The following ERAL1 variants were observed in gnomAD, a reference collection of about 807,000 sequenced individuals.
ERAL1 encodes the protein Era like 12S mitochondrial rRNA chaperone 1.
ERAL1 carries 36 observed loss-of-function variants against 53.6 expected under a neutral mutation model. The ratio of observed to expected loss-of-function variants is 0.67; its 90% CI spans 0.51 to 0.89. The LOEUF (loss-of-function observed/expected upper bound fraction) is 0.89, where lower values mean the gene tolerates loss of function less well. Ranked by LOEUF, ERAL1 falls within the 40% of genes least tolerant of loss-of-function variation. The probability of loss-of-function intolerance (pLI) is 0.00; values close to 1 mark genes in which losing one functional copy is unlikely to be tolerated. For synonymous variants in ERAL1, 215 were observed against 211.8 expected, an observed-to-expected ratio of 1.02 and a Z score of -0.13; for missense variants, 512 against 537.5, an observed-to-expected ratio of 0.95 and a Z score of 0.47.
At position 28,856,673 on chromosome 17, in the gene ERAL1, C is replaced by G. The variant is rs759491303; in HGVS notation, c.489+91C>G. On this transcript the variant is annotated intron_variant, in intron 3 of 9. Transcript: ENST00000254928. ...CATCAGCCTTGAAGAAAATGATGGT[C>G]ACATTCATTTATGTGAGGAAAGGGG... 16 of 1,117,656 alleles carry G rather than the reference C, an allele frequency of 1.4e-5. No homozygotes were observed. The African/African-American group carries it at 1.8e-4, about 13-fold the overall frequency. 69.2% of individuals were successfully genotyped at this position (1,117,656 alleles called of 1,614,324 possible).
rs768738574 is a variant in ERAL1, at chr17:28,858,716, G to C, written c.852G>C (p.Lys284Asn). The C allele has an allele frequency of 6.2e-7, 1 of 1,614,184 alleles. No individual in the cohort carries two copies. Among genetic ancestry groups the C allele is most frequent in the South Asian group, 1.1e-5 (1 of 91,084 alleles). The change falls in exon 7 of 10, where the codon AAG (lysine) becomes AAC (asparagine). Residue 284 changes from lysine (K) to asparagine (N), a missense_variant. By Grantham distance (94) the Lys-to-Asn change is moderately conservative. Coordinates refer to ENST00000254928, the MANE Select transcript of ERAL1 (RefSeq NM_005702.4). The part of the protein sequence containing the change: ...PGTHCPSPAV[K>N]DPNTQSVGNP... The stretch of plus-strand genomic sequence containing the variant: ...CCCATTGCCCCAGCCCAGCAGTTAA[G>C]GACCCAAACACACAATCTGTGGGAA...
At position 28,858,575 on chromosome 17, in the gene ERAL1, G is replaced by C. The variant is rs1475147886; in HGVS notation, c.712-1G>C. On this transcript the variant is annotated splice_acceptor_variant, in intron 6 of 9. Transcript: ENST00000254928. LOFTEE classifies it high-confidence loss of function. ...ACCCTTTGCCCATCCCCCATGTCCA[G>C]GTAGATTGTTTGAAGCAGAAGTCAG... 6.2e-7 allele frequency: 1 copy of C among 1,614,038 alleles called. No individual in the cohort carries two copies. Among genetic ancestry groups the C allele is most frequent in the Non-Finnish European group, 8.5e-7 (1 of 1,180,048 alleles).
At chr17:28,859,157 C>T (rs1182820481) in intron 8 of ERAL1, 44 bp downstream of exon 8, 2 of 1,614,162 alleles carry the variant, frequency 1.2e-6, no homozygotes, top group Non-Finnish European at 8.5e-7. Context: ...AGACACACAC[C>T]TCTACCCAGG....
chr17:28,855,046 C>T lies in ERAL1; in HGVS notation c.12C>T (p.Pro4=). 1.3e-6 allele frequency: 2 copies of T among 1,592,978 alleles called. No homozygotes were observed. The highest frequency in any genetic ancestry group is 1.1e-5 in the South Asian group (1 of 89,544). The change falls in exon 1 of 10, where the codon CCC becomes CCT. Residue 4 remains proline, a synonymous_variant. Coordinates refer to ENST00000254928, the MANE Select transcript of ERAL1 (RefSeq NM_005702.4). The part of the protein sequence containing the change: MAA[P]SWRGARLVQS... ...GCCTTGCGGCTGTAATGGCTGCCCCCAGCTGGCGCGGGGCTAGGCTTGTTC... is the reference window on the plus strand; with the variant it reads ...GCCTTGCGGCTGTAATGGCTGCCCCTAGCTGGCGCGGGGCTAGGCTTGTTC...
chr17:28,857,915 G>A (rs1299292981), intron 3 of ERAL1, 24 bp from the exon 4 acceptor site: 13 of 1,613,950 alleles, frequency 8.1e-6, no homozygotes, highest in African/African-American at 1.3e-5. Flanking sequence ...CTGGGGTCTG[G>A]GTATCTCACT....
rs201364901 is a variant in ERAL1 at position 28,856,426 on chromosome 17, T to C, written c.411+35T>C. The C allele has an allele frequency of 2.7e-5, 44 of 1,613,676 alleles. No homozygotes were observed. The Admixed American group carries it at 5.5e-4, about 20-fold the overall frequency. ...ACCCTTGACCATCCTACCCTTTACA[T>C]CTTTTACTTCTTGCCATGCCTTCAA... is the stretch of plus-strand genomic sequence containing the variant. On this transcript the variant is annotated intron_variant, in intron 2 of 9. Transcript: ENST00000254928.
intron 4 of ERAL1, 69 bp downstream of exon 4, chr17:28,858,054 G>C: frequency 6.2e-7 from 1 of 1,613,070 alleles, no homozygotes; most frequent in Non-Finnish European, 8.5e-7. Context: ...TTCCATTATA[G>C]GGGCTGGAAA....
rs1297680277 is a variant in ERAL1 at position 28,859,015 on chromosome 17, G to C, written c.1012G>C (p.Val338Leu). 1 of 1,614,204 alleles carries C rather than the reference G, an allele frequency of 6.2e-7. No homozygotes were observed. Among genetic ancestry groups the C allele is most frequent in the East Asian group, 2.2e-5 (1 of 44,884 alleles). The change falls in exon 8 of 10, where the codon GTC becomes CTC. Residue 338 changes from valine to leucine, a missense_variant. Physicochemically the swap from Val to Leu is conservative, Grantham distance 32. Coordinates refer to ENST00000254928, the MANE Select transcript of ERAL1 (RefSeq NM_005702.4). ...AGGGCCCTGGGAGTACCACAGTGCA[G>C]TCCTCACTAGCCAGACACCAGAAGA... ...QPGPWEYHSA[V>L]LTSQTPEEIC... is the part of the protein sequence containing the mutation.
chr17:28,859,782 C>T (rs960649687), intron 9 of ERAL1, among the ~76,000 whole-genome samples: 3 of 151,730 alleles, frequency 2.0e-5, no homozygotes, highest in Admixed American at 1.3e-4. Flanking sequence ...TCAAATTGTC[C>T]GCCCACCTCA....
chr17:28,860,362 C>T, intron 9 of ERAL1, 69 bp from the exon 10 acceptor site: 2 of 1,578,174 alleles, frequency 1.3e-6, no homozygotes, highest in Non-Finnish European at 1.7e-6. Flanking sequence ...TCACCTTAGC[C>T]CCCCAAGTAG....
Position 28,856,485 on chromosome 17 carries a change from GA to G in ERAL1, c.412-19del. Reference sequence around the variant, plus strand: ...TTGGAGGGATCTGGGACCTCACTGAGACTCCTTTGTTCCTGGCAGGTGTTCC... The same window carrying G: ...TTGGAGGGATCTGGGACCTCACTGAGCTCCTTTGTTCCTGGCAGGTGTTCC... On this transcript the variant is annotated intron_variant, in intron 2 of 9. Coordinates refer to ENST00000254928, the MANE Select transcript of ERAL1 (RefSeq NM_005702.4). 1 of 1,613,666 alleles carries G rather than the reference GA, an allele frequency of 6.2e-7. No homozygotes were observed. Among genetic ancestry groups the G allele is most frequent in the South Asian group, 1.1e-5 (1 of 91,068 alleles).
At position 28,860,609 on chromosome 17, in the gene ERAL1, A is replaced by G; in HGVS notation, c.*56A>G. The G allele has an allele frequency of 6.5e-7, 1 of 1,535,564 alleles. No individual in the cohort carries two copies. ...CAGCTCAAGCTGCTGGCAGGAACTG[A>G]CCAGTTCTGTCCTTGGCTGGGGACC... On this transcript the variant is annotated 3_prime_UTR_variant, in exon 10 of 10. Coordinates refer to ENST00000254928, the MANE Select transcript of ERAL1 (RefSeq NM_005702.4).
At chr17:28,857,085 A>G (rs2039254540) in intron 3 of ERAL1, among the ~76,000 whole-genome samples, 1 of 150,180 alleles carries the variant, frequency 6.7e-6, no homozygotes, top group Admixed American at 6.6e-5. Flanking sequence ...ACATCTAGTC[A>G]GAAAGATTTC....
chr17:28,856,238 T>C (rs1275981863), intron 1 of ERAL1, 26 bp from the exon 2 acceptor site: 1 of 1,613,394 alleles, frequency 6.2e-7, no homozygotes, highest in Non-Finnish European at 8.5e-7. Context: ...CCACTGTGTC[T>C]CATGCTTCTT....
At position 28,855,243 on chromosome 17, in the gene ERAL1, T is replaced by G; in HGVS notation, c.209T>G (p.Leu70Arg). 6.2e-7 allele frequency: 1 copy of G among 1,613,518 alleles called. No individual in the cohort carries two copies. Among genetic ancestry groups the G allele is most frequent in the Non-Finnish European group, 8.5e-7 (1 of 1,179,582 alleles). Residue 70 changes from leucine (L) to arginine (R), a missense_variant, in exon 1 of 10, where the codon CTG (leucine) becomes CGG (arginine). Transcript: ENST00000254928. The part of the protein sequence containing the change: ...ASRSNGQGSA[L>R]DHFLGFSQPD... ...CGCAGTAATGGCCAGGGCTCTGCCC[T>G]GGACCACTTCCTCGGATTCTCTCAG... is the stretch of plus-strand genomic sequence containing the variant.
Position 28,858,399 on chromosome 17 carries a change from C to T in ERAL1, c.624C>T (p.Asp208=). 1 of 1,614,130 alleles carries T rather than the reference C, an allele frequency of 6.2e-7. No homozygotes were observed. The highest frequency in any genetic ancestry group is 8.5e-7 in the Non-Finnish European group (1 of 1,180,032). ...TTGTGGTTCTTGTGGATGTCTCAGA[C>T]AAGTGGACACGGAACCAGCTCAGCC... is the stretch of plus-strand genomic sequence containing the variant. ...DLVVVLVDVS[D]KWTRNQLSPQ... is the part of the protein sequence containing the mutation. Residue 208 remains aspartate, a synonymous_variant, in exon 6 of 10, where the codon GAC becomes GAT. Transcript: ENST00000254928.
At chr17:28,858,532 C>A in intron 6 of ERAL1, 44 bp from the exon 7 acceptor site, 3 of 1,614,044 alleles carry the variant, frequency 1.9e-6, no homozygotes, top group Non-Finnish European at 2.5e-6. Flanking sequence ...CCTCCAAGTC[C>A]CCTATCTCTG....
chr17:28,858,804 G>C lies in ERAL1; in HGVS notation c.940G>C (p.Glu314Gln). 6.2e-7 allele frequency: 1 copy of C among 1,614,178 alleles called. No homozygotes were observed. Among genetic ancestry groups the C allele is most frequent in the Admixed American group, 1.7e-5 (1 of 60,016 alleles). Reference protein sequence around the residue: ...EIFMLSALSQEDVKTLKQYLL... With the variant: ...EIFMLSALSQQDVKTLKQYLL... ...CTTCATGTTGTCAGCCCTAAGCCAG[G>C]AGGACGTGAAAACACTAAAGGTCAG... The change falls in exon 7 of 10, where the codon GAG becomes CAG. Residue 314 changes from glutamate (E) to glutamine (Q), a missense_variant. Physicochemically the swap from Glu to Gln is conservative, Grantham distance 29. Coordinates refer to ENST00000254928, the MANE Select transcript of ERAL1 (RefSeq NM_005702.4).
rs749096621 is a variant in ERAL1 at position 28,856,310 on chromosome 17, T to C, written c.330T>C (p.Asn110=). The C allele has an allele frequency of 6.2e-7, 1 of 1,614,172 alleles. No homozygotes were observed. Among genetic ancestry groups the C allele is most frequent in the South Asian group, 1.1e-5 (1 of 91,080 alleles). The part of the protein sequence containing the change: ...LLVHHPDMPE[N]SRVLRVVLLG... Reference sequence around the variant, plus strand: ...TCCATCACCCTGATATGCCTGAGAATTCCCGGGTCCTACGAGTGGTCCTCC... The same window carrying C: ...TCCATCACCCTGATATGCCTGAGAACTCCCGGGTCCTACGAGTGGTCCTCC... The change falls in exon 2 of 10, where the codon AAT becomes AAC. Residue 110 remains asparagine (N), a synonymous_variant. Transcript: ENST00000254928.
Sources: gnomAD v4.1 joint callset for allele counts (sites outside exome capture counted in the v4.1 genomes callset) on GRCh38, gnomAD v4.1.1 for gene constraint, MANE v1.5 for transcripts, NCBI Gene and HGNC (gene_info 2026-07-23, HGNC 2026-07-21) for gene names.